CTNNA2: variants seen among roughly 807,000 people sequenced by gnomAD.
CTNNA2 encodes catenin alpha-2.
A neutral mutation model predicts 101.0 loss-of-function variants in CTNNA2; 42 were observed. The observed-to-expected ratio is 0.42, with a 90% confidence interval of 0.32 to 0.54. The LOEUF is 0.54. Among genes scored for constraint, CTNNA2 ranks in the 20% least tolerant of loss-of-function variants. CTNNA2 has a pLI of 0.14. For synonymous variants in CTNNA2, 450 were observed against 456.4 expected (o/e 0.99, Z 0.18); for missense variants, 871 against 1,223.1 (o/e 0.71, Z 4.29).
intron 7 of CTNNA2, among the ~76,000 whole-genome samples, chr2:80,282,273 G>GT (rs58708297): frequency 0.032 from 4,711 of 149,330 alleles, 104 homozygotes; most frequent in African/African-American, 0.059. Flanking sequence ...TTTATTTGCT[G>GT]TTTTTTTTTT....
At position 80,373,853 on chromosome 2, in the gene CTNNA2, G is replaced by A. The variant is rs542305949; in HGVS notation, c.1057-19358G>A. ...CGTGAGTCTTGTGCTGTGAAATACT[G>A]AAGAGCTTTCCGAGAATTCACACAA... is the stretch of plus-strand genomic sequence containing the variant. On this transcript the variant is annotated intron_variant, in intron 7 of 18. Coordinates refer to ENST00000402739, the MANE Select transcript of CTNNA2 (RefSeq NM_001282597.3). Among the ~76,000 whole-genome samples the A allele has an allele frequency of 9.2e-5, 14 of 152,202 alleles. No homozygotes were observed. The South Asian group carries it at 2.9e-3, about 32-fold the overall frequency.
intron 2 of CTNNA2, among the ~76,000 whole-genome samples, chr2:79,307,035 A>T (rs1676264171): frequency 6.6e-6 from 1 of 152,174 alleles, no homozygotes; most frequent in South Asian, 2.1e-4. Context: ...CATACATATG[A>T]TAATTTCTTC....
At chr2:80,165,243 A>G (rs1338058693) in intron 7 of CTNNA2, among the ~76,000 whole-genome samples, 3 of 150,570 alleles carry the variant, frequency 2.0e-5, no homozygotes, top group Non-Finnish European at 4.4e-5. Flanking sequence ...TTTTTTTTTC[A>G]ATCTGGTTTC....
intron 7 of CTNNA2, among the ~76,000 whole-genome samples, chr2:80,165,708 T>G (rs143262852): frequency 5.9e-4 from 90 of 152,312 alleles, no homozygotes; most frequent in African/African-American, 2.1e-3. Context: ...ACCTGACTCT[T>G]CACAGGCCTC....
rs540701901 is a variant in CTNNA2 at position 80,024,655 on chromosome 2, G to T, written c.1056+114858G>T. On this transcript the variant is annotated intron_variant, in intron 7 of 18. Coordinates refer to ENST00000402739, the MANE Select transcript of CTNNA2 (RefSeq NM_001282597.3). Reference sequence around the variant, plus strand: ...TCTGGTGGGAGCAGGCTCTGTGTGGGCCCCGCAGCAGTGTCCAACTGTGTT... The same window carrying T: ...TCTGGTGGGAGCAGGCTCTGTGTGGTCCCCGCAGCAGTGTCCAACTGTGTT... Among the ~76,000 whole-genome samples the T allele has an allele frequency of 5.3e-5, 8 of 152,304 alleles. No individual in the cohort carries two copies. In the South Asian group the frequency reaches 1.2e-3, roughly 24 times the overall value.
rs146456637 is a variant in CTNNA2 at position 80,229,754 on chromosome 2, C to G, written c.1057-163457C>G. Among the ~76,000 whole-genome samples the G allele has an allele frequency of 5.4e-4, 82 of 152,294 alleles. 1 individual carries two copies. Among genetic ancestry groups the G allele is most frequent in the African/African-American group, 1.7e-3 (72 of 41,578 alleles). ...ACTTGATTCCCATGGCAACCAGTCT[C>G]TATCCTTAGAGACCTTCCAAAAGTT... On this transcript the variant is annotated intron_variant, in intron 7 of 18. Transcript: ENST00000402739.
At chr2:80,370,109 A>C (rs1252166817) in intron 7 of CTNNA2, among the ~76,000 whole-genome samples, 2 of 152,136 alleles carry the variant, frequency 1.3e-5, no homozygotes, top group East Asian at 3.9e-4. Flanking sequence ...ATTCACAACA[A>C]AAGGTTGAGG....
At chr2:80,514,804 G>T (rs1004268677) in intron 9 of CTNNA2, among the ~76,000 whole-genome samples, 2 of 152,132 alleles carry the variant, frequency 1.3e-5, no homozygotes, top group South Asian at 2.1e-4. Context: ...CACAGGATGG[G>T]GGGTGGGACA....
intron 6 of CTNNA2, among the ~76,000 whole-genome samples, chr2:79,908,108 G>A (rs1408928380): frequency 6.6e-6 from 1 of 152,130 alleles, no homozygotes; most frequent in Non-Finnish European, 1.5e-5. Flanking sequence ...AACTTAAGCA[G>A]TTATTGTATA....
chr2:80,306,658 G>T (rs948585695), intron 7 of CTNNA2, among the ~76,000 whole-genome samples: 54 of 151,954 alleles, frequency 3.6e-4, no homozygotes, highest in African/African-American at 1.3e-3. Context: ...GTGACAGCAG[G>T]CCAGCTGATG....
chr2:79,576,769 T>C (rs745633912), intron 1 of CTNNA2, among the ~76,000 whole-genome samples: 1 of 152,158 alleles, frequency 6.6e-6, no homozygotes, highest in South Asian at 2.1e-4. Context: ...AAAAGTCTTA[T>C]GCATTTACAA....
rs140991031 is a variant in CTNNA2, at chr2:80,347,987, C to G, written c.1057-45224C>G. ...TGCCCGATTTTATTGGTATGGGATT[C>G]AGTTCGATCATGATGGGTTTCCAAA... On this transcript the variant is annotated intron_variant, in intron 7 of 18. Transcript: ENST00000402739. Among the ~76,000 whole-genome samples, 1,252 of 151,948 alleles carry G rather than the reference C, an allele frequency of 8.2e-3. 22 individuals carry two copies. Among genetic ancestry groups the G allele is most frequent in the African/African-American group, 0.029 (1,197 of 41,402 alleles).
chr2:80,514,495 G>A (rs545437133), intron 9 of CTNNA2, among the ~76,000 whole-genome samples: 15 of 152,238 alleles, frequency 9.9e-5, no homozygotes, highest in East Asian at 5.8e-4. Context: ...ACCCACACTC[G>A]GTAAGTCCCA....
chr2:79,583,872 A>G (rs991925369), intron 1 of CTNNA2, among the ~76,000 whole-genome samples: 1 of 152,174 alleles, frequency 6.6e-6, no homozygotes, highest in Non-Finnish European at 1.5e-5. Context: ...TTGACTGAGG[A>G]AACTGAAATG....
intron 8 of CTNNA2, among the ~76,000 whole-genome samples, chr2:80,393,993 T>G (rs936880959): frequency 6.6e-6 from 1 of 152,220 alleles, no homozygotes; most frequent in Non-Finnish European, 1.5e-5. Context: ...AAAGAGATTC[T>G]ATCACCCACT....
intron 3 of CTNNA2, among the ~76,000 whole-genome samples, chr2:79,791,327 T>G (rs1675253986): frequency 6.6e-6 from 1 of 152,166 alleles, no homozygotes; most frequent in South Asian, 2.1e-4. Context: ...TTTTTCCCAT[T>G]TCTCTCCCAG....
At chr2:80,593,887 G>A (rs76236247) in intron 15 of CTNNA2, among the ~76,000 whole-genome samples, 2,961 of 152,140 alleles carry the variant, frequency 0.019, 115 homozygotes, top group African/African-American at 0.068. Context: ...CTCTTAATAA[G>A]CACTTGGGTT....
intron 7 of CTNNA2, among the ~76,000 whole-genome samples, chr2:80,026,148 T>C (rs1337642808): frequency 1.3e-5 from 2 of 152,106 alleles, no homozygotes; most frequent in Non-Finnish European, 2.9e-5. Context: ...CAGCAAGCCA[T>C]GAGGAAGAAC....
intron 3 of CTNNA2, among the ~76,000 whole-genome samples, chr2:79,758,349 G>A (rs915144996): frequency 1.7e-4 from 26 of 152,286 alleles, no homozygotes; most frequent in African/African-American, 5.1e-4. Flanking sequence ...ATGCAAACCA[G>A]GCAGTCTTCA....
Sources: gnomAD v4.1 joint callset for allele counts (sites outside exome capture counted in the v4.1 genomes callset) on GRCh38, gnomAD v4.1.1 for gene constraint, MANE v1.5 for transcripts, NCBI Gene and HGNC (gene_info 2026-07-23, HGNC 2026-07-21) for gene names.